The following ASB14 variants were observed in gnomAD, a reference collection of about 807,000 sequenced individuals.
ASB14 encodes the protein ankyrin repeat and SOCS box protein 14.
ASB14 carries 63 observed loss-of-function variants against 55.6 expected under a neutral mutation model. The ratio of observed to expected loss-of-function variants is 1.13; its 90% CI spans 0.92 to 1.40. ASB14 has a LOEUF of 1.40. Ranked by LOEUF, ASB14 falls within the 40% of genes most tolerant of loss-of-function variation. The pLI is 0.00. For missense variants in ASB14, 724 were observed against 710.4 expected (o/e 1.02, Z -0.22); for synonymous variants, 256 against 259.9 (o/e 0.98, Z 0.15).
At chr3:57,285,659 T>C (rs1559523912) in intron 5 of ASB14, among the ~76,000 whole-genome samples, 2 of 152,224 alleles carry the variant, frequency 1.3e-5, no homozygotes, top group Non-Finnish European at 2.9e-5. Flanking sequence ...ACTTGTCTTA[T>C]GTTTCATTTG....
In ASB14 at chr3:57,278,528, A is replaced by G; in HGVS notation, c.1280T>C (p.Leu427Pro). Residue 427 changes from leucine to proline, a missense_variant, in exon 8 of 11, where the codon CTG becomes CCG. Leu to Pro is a moderately conservative substitution (Grantham distance 98). Transcript: ENST00000487349. ...RVNPLHFPSA[L>P]QYTLKDEVML... ...GACTTCATCTTTCAGAGTGTATTGC[A>G]GTGCTGATGGGAAATGTAAAGGGTT... 1 of 1,614,210 alleles carries G rather than the reference A, an allele frequency of 6.2e-7. No individual in the cohort carries two copies. Among genetic ancestry groups the G allele is most frequent in the Non-Finnish European group, 8.5e-7 (1 of 1,180,028 alleles).
At chr3:57,276,340 C>CA (rs1190321092) in intron 10 of ASB14, among the ~76,000 whole-genome samples, 188 bp downstream of exon 10, 1 of 151,410 alleles carries the variant, frequency 6.6e-6, no homozygotes, top group Non-Finnish European at 1.5e-5. Context: ...GGCTGGAGTG[C>CA]AGTGGCGTGA....
chr3:57,278,551 G>A lies in ASB14; in HGVS notation c.1257C>T (p.Asn419=), dbSNP rs1237713791. Residue 419 remains asparagine (N), a synonymous_variant, in exon 8 of 11, where the codon AAC becomes AAT. Transcript: ENST00000487349. The part of the protein sequence containing the change: ...GANVNYFCRV[N]PLHFPSALQY... ...GCAGTGCTGATGGGAAATGTAAAGG[G>A]TTAACTCTGCAGAAGTAATTGACAT... 6.2e-7 allele frequency: 1 copy of A among 1,614,068 alleles called. No individual in the cohort carries two copies. Among genetic ancestry groups the A allele is most frequent in the Non-Finnish European group, 8.5e-7 (1 of 1,180,042 alleles).
At chr3:57,284,020 T>C (rs2061059508) in intron 5 of ASB14, among the ~76,000 whole-genome samples, 1 of 151,574 alleles carries the variant, frequency 6.6e-6, no homozygotes, top group Admixed American at 6.6e-5. Context: ...GCCCCTTAAG[T>C]TTCTGTAAGG....
At chr3:57,285,716 G>T (rs919498015) in intron 5 of ASB14, among the ~76,000 whole-genome samples, 3 of 152,012 alleles carry the variant, frequency 2.0e-5, no homozygotes, top group Non-Finnish European at 2.9e-5. Context: ...TCTCTAAACT[G>T]TCTACATCTC....
intron 6 of ASB14, among the ~76,000 whole-genome samples, chr3:57,281,294 C>T (rs1251600797): frequency 2.0e-5 from 3 of 151,278 alleles, no homozygotes; most frequent in Non-Finnish European, 4.4e-5. Flanking sequence ...AATAAGAGTA[C>T]AGGGACAGGC....
chr3:57,287,828 C>G, intron 5 of ASB14, 73 bp downstream of exon 5: 1 of 1,454,998 alleles, frequency 6.9e-7, no homozygotes, highest in Non-Finnish European at 9.2e-7. Context: ...GCATAAAAAG[C>G]TGCCTTTGAA....
chr3:57,268,588 G>A lies in ASB14; in HGVS notation c.*1053C>T. 7.4e-7 allele frequency: 1 copy of A among 1,349,392 alleles called. No individual in the cohort carries two copies. Among genetic ancestry groups the A allele is most frequent in the Non-Finnish European group, 9.8e-7 (1 of 1,019,084 alleles). The allele number at this position is 1,349,392 out of a possible 1,614,324, so 83.6% of individuals were successfully genotyped here. On this transcript the variant is annotated 3_prime_UTR_variant, in exon 11 of 11. Coordinates refer to ENST00000487349, the MANE Select transcript of ASB14 (RefSeq NM_001142733.3). ...AATTTCCAAATGAAGGGCTGTTTCTGCTTGTTCAGCCACTTCATAAACAGA... is the reference window on the plus strand; with the variant it reads ...AATTTCCAAATGAAGGGCTGTTTCTACTTGTTCAGCCACTTCATAAACAGA...
intron 7 of ASB14, among the ~76,000 whole-genome samples, chr3:57,279,993 C>T (rs910957236): frequency 9.9e-5 from 15 of 151,648 alleles, no homozygotes; most frequent in African/African-American, 3.4e-4. Flanking sequence ...TAAATAAATG[C>T]CTGAAGCACC....
At chr3:57,282,800 C>G (rs2061049589) in intron 6 of ASB14, among the ~76,000 whole-genome samples, 1 of 152,286 alleles carries the variant, frequency 6.6e-6, no homozygotes, top group East Asian at 1.9e-4. Context: ...TTCCTAACAT[C>G]TAAAGCCATT....
chr3:57,274,487 G>A (rs2060971290), intron 10 of ASB14, among the ~76,000 whole-genome samples: 1 of 152,118 alleles, frequency 6.6e-6, no homozygotes, highest in African/African-American at 2.4e-5. Flanking sequence ...GGTCGAGACA[G>A]CCTGACCAAC....
At chr3:57,284,228 T>G (rs1454479836) in intron 5 of ASB14, among the ~76,000 whole-genome samples, 2 of 151,852 alleles carry the variant, frequency 1.3e-5, no homozygotes, top group Non-Finnish European at 2.9e-5. Flanking sequence ...CTGGGCTCAG[T>G]CAATCCTCCT....
At chr3:57,280,704 G>A (rs771193271) in intron 6 of ASB14, among the ~76,000 whole-genome samples, 5 of 152,160 alleles carry the variant, frequency 3.3e-5, no homozygotes, top group Non-Finnish European at 7.4e-5. Context: ...AGTTTTTGAA[G>A]TAATTTGATG....
Position 57,269,203 on chromosome 3 carries a change from AG to A in ASB14, c.*437del, listed in dbSNP as rs1474571500. 1.2e-5 allele frequency: 2 copies of A among 170,518 alleles called. No individual in the cohort carries two copies. The highest frequency in any genetic ancestry group is 2.5e-5 in the Non-Finnish European group (2 of 80,526). 10.6% of individuals were successfully genotyped at this position (170,518 alleles called of 1,614,324 possible). A position where few individuals can be genotyped will look rare whatever the true frequency, so the allele number is the denominator to read the frequency against. On this transcript the variant is annotated 3_prime_UTR_variant, in exon 11 of 11. Coordinates refer to ENST00000487349, the MANE Select transcript of ASB14 (RefSeq NM_001142733.3). ...ACAGGGATGGAGAAAAGGGCTGGAG[AG>A]GGGAAGGGAAAGGAGTGTGGGGGTG...
intron 5 of ASB14, among the ~76,000 whole-genome samples, chr3:57,286,696 G>A (rs767154253): frequency 2.6e-5 from 4 of 152,190 alleles, no homozygotes; most frequent in Admixed American, 1.3e-4. Flanking sequence ...ACAAAGTGCC[G>A]AGGGTATTGG....
chr3:57,290,718 C>T (rs2061122018), intron 2 of ASB14, among the ~76,000 whole-genome samples: 1 of 152,226 alleles, frequency 6.6e-6, no homozygotes, highest in African/African-American at 2.4e-5. Context: ...CATTTCAATA[C>T]TCTCCTTAGC....
rs745625690 is a variant in ASB14 at position 57,269,653 on chromosome 3, G to A, written c.*23-35C>T. 76 of 1,613,850 alleles carry A rather than the reference G, an allele frequency of 4.7e-5. 1 individual carries two copies. The highest frequency in any genetic ancestry group is 3.3e-4 in the East Asian group (15 of 44,872). ...AGCCAGTCAGAAGAGAGTGATTTGG[G>A]AGAAGGAGGAAAGAAGAGAGAATCA... On this transcript the variant is annotated intron_variant, in intron 10 of 10. Coordinates refer to ENST00000487349, the MANE Select transcript of ASB14 (RefSeq NM_001142733.3).
At chr3:57,286,428 T>C (rs2061081452) in intron 5 of ASB14, among the ~76,000 whole-genome samples, 1 of 140,876 alleles carries the variant, frequency 7.1e-6, no homozygotes, top group African/African-American at 2.5e-5. Flanking sequence ...AAGAACTTTT[T>C]GTTACACAAA....
rs1213616601 is a variant in ASB14, at chr3:57,277,854, C to T, written c.1498G>A (p.Asp500Asn). The T allele has an allele frequency of 1.2e-6, 2 of 1,613,978 alleles. No individual in the cohort carries two copies. The highest frequency in any genetic ancestry group is 3.3e-5 in the Admixed American group (2 of 60,014). The change falls in exon 9 of 11, where the codon GAT becomes AAT. Residue 500 changes from aspartate (D) to asparagine (N), a missense_variant. Physicochemically the swap from Asp to Asn is conservative, Grantham distance 23. Transcript: ENST00000487349. ...LSGKVVRVML[D>N]YVDQVRICSK... The stretch of plus-strand genomic sequence containing the variant: ...CAGATCCGAACTTGATCAACATAAT[C>T]AAGCATCACTCGAACAACCTTTCCA...
Sources: gnomAD v4.1 joint callset for allele counts (sites outside exome capture counted in the v4.1 genomes callset) on GRCh38, gnomAD v4.1.1 for gene constraint, MANE v1.5 for transcripts, NCBI Gene and HGNC (gene_info 2026-07-23, HGNC 2026-07-21) for gene names.